RICTOR: variants seen among roughly 807,000 people sequenced by gnomAD.
The protein encoded by RICTOR is rapamycin-insensitive companion of mTOR.
A neutral mutation model predicts 214.9 loss-of-function variants in RICTOR; 49 were observed. The observed-to-expected ratio is 0.23, with a 90% CI of 0.18 to 0.29. The LOEUF (loss-of-function observed/expected upper bound fraction) is 0.29. RICTOR is among the 10% of genes least tolerant of loss of function. The probability of loss-of-function intolerance (pLI) is 1.00; values close to 1 mark genes in which losing one functional copy is unlikely to be tolerated. For synonymous variants in RICTOR, 717 were observed against 711.3 expected (o/e 1.01, Z -0.13); for missense variants, 1,625 against 2,047.0 (o/e 0.79, Z 3.98).
Position 38,990,704 on chromosome 5 carries a change from G to GATATGATATATATGATATATATCATAT in RICTOR, c.583+218_583+244dup, listed in dbSNP as rs1752632455. Among the ~76,000 whole-genome samples the GATATGATATATATGATATATATCATAT allele has an allele frequency of 4.4e-5, 2 of 45,234 alleles. 1 individual carries two copies. Among genetic ancestry groups the GATATGATATATATGATATATATCATAT allele is most frequent in the African/African-American group, 1.5e-4 (2 of 13,132 alleles). The allele number at this position is 45,234 out of a possible 152,430, so 29.7% of individuals were successfully genotyped here. ...TATATCATATATATGATATATATCA[G>GATATGATATATATGATATATATCATAT]ATATGATATATATGATATATATCAT... On this transcript the variant is annotated intron_variant, in intron 7 of 37. Transcript: ENST00000357387.
intron 6 of RICTOR, among the ~76,000 whole-genome samples, chr5:38,992,532 TCA>T (rs1433065762): frequency 3.9e-5 from 6 of 152,174 alleles, no homozygotes; most frequent in Non-Finnish European, 7.4e-5. Flanking sequence ...CTCTTGTGCC[TCA>T]GTTTCCTCAT....
intron 25 of RICTOR, among the ~76,000 whole-genome samples, chr5:38,957,139 A>G (rs375312757): frequency 7.9e-5 from 12 of 152,162 alleles, no homozygotes; most frequent in Admixed American, 1.3e-4. Context: ...AAGTTGTTTC[A>G]TATCTTCAAA....
chr5:38,942,820 T>C lies in RICTOR; in HGVS notation c.5052+13A>G. 6.4e-7 allele frequency: 1 copy of C among 1,566,364 alleles called. No individual in the cohort carries two copies. Among genetic ancestry groups the C allele is most frequent in the East Asian group, 2.2e-5 (1 of 44,644 alleles). On this transcript the variant is annotated intron_variant, in intron 37 of 37. Coordinates refer to ENST00000357387, the MANE Select transcript of RICTOR (RefSeq NM_152756.5). ...CTTGGAAGATAAATTTGAGAAGTAC[T>C]AATCATACTTACTTGTAGAAACTGT...
chr5:39,068,322 G>C lies in RICTOR; in HGVS notation c.97+5789C>G, dbSNP rs993219971. On this transcript the variant is annotated intron_variant, in intron 2 of 37. Coordinates refer to ENST00000357387, the MANE Select transcript of RICTOR (RefSeq NM_152756.5). ...AGTAGGGGCATACAGTCTCCACGGA[G>C]AAAGAGGTGGAATGGGGGTTGGTGC... Among the ~76,000 whole-genome samples, 7 of 152,198 alleles carry C rather than the reference G, an allele frequency of 4.6e-5. No homozygotes were observed. In the South Asian group the frequency reaches 6.2e-4, roughly 14 times the overall value.
chr5:38,992,982 G>A lies in RICTOR; in HGVS notation c.457-1907C>T, dbSNP rs77615942. On this transcript the variant is annotated intron_variant, in intron 6 of 37. Coordinates refer to ENST00000357387, the MANE Select transcript of RICTOR (RefSeq NM_152756.5). ...ATATTTGAGCTCAGACTAGAAGATC[G>A]ATGTAAGGTGAGAAGGGCTGAAAAT... Among the ~76,000 whole-genome samples the A allele has an allele frequency of 6.0e-3, 912 of 152,290 alleles. 14 individuals are homozygous for A. Among genetic ancestry groups the A allele is most frequent in the African/African-American group, 0.019 (800 of 41,548 alleles).
intron 2 of RICTOR, among the ~76,000 whole-genome samples, chr5:39,040,784 CTA>C (rs1297085810): frequency 6.6e-6 from 1 of 152,082 alleles, no homozygotes; most frequent in African/African-American, 2.4e-5. Flanking sequence ...ATTTCAATTT[CTA>C]TGTTTTATTC....
intron 2 of RICTOR, among the ~76,000 whole-genome samples, chr5:39,056,258 T>TA (rs1758198190): frequency 6.6e-6 from 1 of 152,146 alleles, no homozygotes; most frequent in Admixed American, 6.5e-5. Context: ...CAAAACAAAG[T>TA]ACTTGTCTCC....
chr5:38,947,271 A>G lies in RICTOR; in HGVS notation c.4307T>C (p.Ile1436Thr), dbSNP rs1748312689. The G allele has an allele frequency of 1.9e-6, 3 of 1,605,292 alleles. No homozygotes were observed. The African/African-American group carries it at 4.0e-5, about 22-fold the overall frequency. Reference protein sequence around the residue: ...GLALPVDINDIFQVKDIPYFQ... With the variant: ...GLALPVDINDTFQVKDIPYFQ... ...TAAAATGTATGATAATACCTGGAAT[A>G]TATCATTTATATCCACCGGGAGAGC... The change falls in exon 32 of 38, where the codon ATA (isoleucine) becomes ACA (threonine). Residue 1436 changes from isoleucine to threonine, a missense_variant. Physicochemically the swap from Ile to Thr is moderately conservative, Grantham distance 89. This residue lies in a region of RICTOR where 1,214 missense variants were observed against 1,470.5 expected (regional missense o/e 0.83). Coordinates refer to ENST00000357387, the MANE Select transcript of RICTOR (RefSeq NM_152756.5).
At chr5:38,974,871 A>G (rs1257244610) in intron 10 of RICTOR, among the ~76,000 whole-genome samples, 1 of 152,168 alleles carries the variant, frequency 6.6e-6, no homozygotes, top group Non-Finnish European at 1.5e-5. Flanking sequence ...TGTTTAGGTG[A>G]ATTTCCTTTT....
intron 33 of RICTOR, among the ~76,000 whole-genome samples, chr5:38,946,018 G>A (rs116364842): frequency 6.6e-6 from 1 of 152,088 alleles, no homozygotes; most frequent in African/African-American, 2.4e-5. Flanking sequence ...AGTATAAAGA[G>A]GCATTTGTTT....
At chr5:39,002,726 T>C (rs747384454) in intron 4 of RICTOR, 60 bp from the exon 5 acceptor site, 7 of 1,511,844 alleles carry the variant, frequency 4.6e-6, no homozygotes, top group Non-Finnish European at 6.2e-6. Context: ...CACACAAAAT[T>C]ATATTACCAA....
intron 13 of RICTOR, 30 bp from the exon 14 acceptor site, chr5:38,967,257 A>G (rs1750310300): frequency 3.7e-6 from 6 of 1,604,124 alleles, no homozygotes; most frequent in Non-Finnish European, 4.3e-6. Flanking sequence ...AACAATTTAA[A>G]TAAAGTTTCA....
chr5:39,063,932 T>C (rs930622092), intron 2 of RICTOR, among the ~76,000 whole-genome samples: 36 of 152,206 alleles, frequency 2.4e-4, no homozygotes, highest in Non-Finnish European at 4.7e-4. Flanking sequence ...ACTGACATCT[T>C]TAACAGGATA....
chr5:39,025,404 C>T (rs2150141980), intron 2 of RICTOR, among the ~76,000 whole-genome samples: 1 of 152,308 alleles, frequency 6.6e-6, no homozygotes, highest in African/African-American at 2.4e-5. Flanking sequence ...AAAACATTTT[C>T]TGTAACTATT....
chr5:38,979,015 G>C (rs1751476635), intron 8 of RICTOR, among the ~76,000 whole-genome samples: 1 of 152,124 alleles, frequency 6.6e-6, no homozygotes, highest in Non-Finnish European at 1.5e-5. Context: ...ACTATGATTA[G>C]TTTTGCCTGT....
At chr5:38,946,623 TAAAC>T in intron 32 of RICTOR, 71 bp from the exon 33 acceptor site, 1 of 894,156 alleles carries the variant, frequency 1.1e-6, no homozygotes, top group East Asian at 2.5e-5. Flanking sequence ...TTAGCAAAAT[TAAAC>T]AAAATAAAAT....
At chr5:38,955,377 C>T (rs962761558) in intron 26 of RICTOR, among the ~76,000 whole-genome samples, 3 of 151,824 alleles carry the variant, frequency 2.0e-5, no homozygotes, top group Non-Finnish European at 2.9e-5. Context: ...AGAATCTAGG[C>T]CTAGAAATAC....
intron 2 of RICTOR, among the ~76,000 whole-genome samples, chr5:39,051,376 C>A (rs1757829168): frequency 6.6e-6 from 1 of 152,142 alleles, no homozygotes; most frequent in African/African-American, 2.4e-5. Flanking sequence ...AAAATTTTAT[C>A]CCTTTTCACA....
chr5:38,988,065 G>A (rs759790994), intron 7 of RICTOR, among the ~76,000 whole-genome samples: 2 of 152,178 alleles, frequency 1.3e-5, no homozygotes, highest in African/African-American at 2.4e-5. Flanking sequence ...ACTGTAGCCT[G>A]AGAGACTGTC....
Sources: allele counts gnomAD v4.1 joint callset (sites outside exome capture counted in the v4.1 genomes callset), GRCh38; gene constraint gnomAD v4.1.1; regional missense constraint gnomAD v4.1.1; transcripts MANE v1.5; gene names NCBI Gene and HGNC (gene_info 2026-07-23, HGNC 2026-07-21).